Variants in RIMS2 observed in about 807,000 individuals in gnomAD.
The protein encoded by RIMS2 is regulating synaptic membrane exocytosis protein 2.
In RIMS2, 59 loss-of-function variants were observed where a neutral mutation model predicts 174.4. The ratio of observed to expected loss-of-function variants is 0.34; its 90% confidence interval spans 0.27 to 0.42. The LOEUF (loss-of-function observed/expected upper bound fraction) is 0.42, where lower values mean the gene tolerates loss of function less well. Among genes scored for constraint, RIMS2 ranks in the 10% least tolerant of loss-of-function variants. RIMS2 has a pLI of 1.00. For synonymous variants in RIMS2, 606 were observed against 572.5 expected (o/e 1.06, Z -0.84); for missense variants, 1,620 against 1,666.3 (o/e 0.97, Z 0.48).
At chr8:104,197,650 T>C (rs1222114047) in intron 19 of RIMS2, among the ~76,000 whole-genome samples, 5 of 152,116 alleles carry the variant, frequency 3.3e-5, no homozygotes, top group African/African-American at 7.2e-5. Flanking sequence ...TTAAAACTCA[T>C]TGAGGTCTGA....
intron 1 of RIMS2, among the ~76,000 whole-genome samples, chr8:103,578,752 A>C (rs1396994540): frequency 6.6e-6 from 1 of 152,134 alleles, no homozygotes; most frequent in Non-Finnish European, 1.5e-5. Context: ...CTGTAATCCC[A>C]GCACTTTGGG....
intron 4 of RIMS2, among the ~76,000 whole-genome samples, chr8:103,902,242 T>C (rs1422469177): frequency 6.6e-6 from 1 of 152,204 alleles, no homozygotes; most frequent in Non-Finnish European, 1.5e-5. Context: ...CTTTGTAACA[T>C]GTGCTTTACA....
At chr8:103,987,332 T>C (rs1022358218) in intron 16 of RIMS2, among the ~76,000 whole-genome samples, 3 of 152,142 alleles carry the variant, frequency 2.0e-5, no homozygotes, top group Admixed American at 6.5e-5. Context: ...TAAGTAAACC[T>C]TACCATGAAT....
chr8:103,925,486 A>G (rs1180387572), intron 10 of RIMS2, among the ~76,000 whole-genome samples: 1 of 151,414 alleles, frequency 6.6e-6, no homozygotes, highest in African/African-American at 2.4e-5. Context: ...TGTTATTCTG[A>G]AAGTATTGTA....
chr8:103,739,289 A>G (rs2097729062), intron 2 of RIMS2, among the ~76,000 whole-genome samples: 1 of 152,152 alleles, frequency 6.6e-6, no homozygotes, highest in Non-Finnish European at 1.5e-5. Flanking sequence ...ACAAAAACCC[A>G]AACACCGCAT....
At chr8:103,631,809 A>G (rs2095930323) in intron 1 of RIMS2, among the ~76,000 whole-genome samples, 2 of 152,298 alleles carry the variant, frequency 1.3e-5, no homozygotes, top group African/African-American at 4.8e-5. Context: ...TTCGTTGAGC[A>G]GTGTTTTGTA....
chr8:103,869,661 C>T (rs552769379), intron 3 of RIMS2, among the ~76,000 whole-genome samples: 5 of 152,180 alleles, frequency 3.3e-5, no homozygotes, highest in East Asian at 1.9e-4. Flanking sequence ...TTGGCTACAG[C>T]GAGGCAGGAC....
intron 4 of RIMS2, among the ~76,000 whole-genome samples, chr8:103,899,800 T>C (rs2099317058): frequency 6.6e-6 from 1 of 151,844 alleles, no homozygotes. Flanking sequence ...TGCCCATGCC[T>C]ATGTCCTGAA....
At chr8:103,948,931 AC>A (rs1260637883) in intron 14 of RIMS2, among the ~76,000 whole-genome samples, 1 of 150,984 alleles carries the variant, frequency 6.6e-6, no homozygotes, top group Non-Finnish European at 1.5e-5. Flanking sequence ...TTCGAGACCA[AC>A]CTGTACAACA....
chr8:103,857,901 A>G (rs1044429861), intron 3 of RIMS2, among the ~76,000 whole-genome samples: 1 of 152,162 alleles, frequency 6.6e-6, no homozygotes, highest in African/African-American at 2.4e-5. Flanking sequence ...TTCTGGACAA[A>G]GAGTATGTTG....
At chr8:103,510,034 T>TAAATGCTCCTTTAAGGCACAGGAG (rs1226277190) in intron 1 of RIMS2, among the ~76,000 whole-genome samples, 1 of 152,190 alleles carries the variant, frequency 6.6e-6, no homozygotes, top group Admixed American at 6.5e-5. Context: ...AGGAACTGGA[T>TAAATGCTCCTTTAAGGCACAGGAG]AAATGCTCCT....
intron 12 of RIMS2, among the ~76,000 whole-genome samples, chr8:103,935,238 A>G (rs1313355239): frequency 6.6e-6 from 1 of 152,216 alleles, no homozygotes. Flanking sequence ...CTTTCCATGT[A>G]TAGAGATAAA....
intron 3 of RIMS2, among the ~76,000 whole-genome samples, chr8:103,870,166 T>G (rs560364698): frequency 6.6e-6 from 1 of 151,374 alleles, no homozygotes; most frequent in South Asian, 2.1e-4. Context: ...AGTTTTAAAT[T>G]CCTTTTCTAC....
intron 2 of RIMS2, among the ~76,000 whole-genome samples, chr8:103,723,193 A>G (rs140006479): frequency 2.8e-4 from 42 of 152,308 alleles, no homozygotes; most frequent in African/African-American, 9.4e-4. Context: ...CCTTACCCTC[A>G]CTATCTGCCT....
chr8:103,648,493 C>T (rs1248702535), intron 1 of RIMS2, among the ~76,000 whole-genome samples: 1 of 151,986 alleles, frequency 6.6e-6, no homozygotes, highest in Non-Finnish European at 1.5e-5. Context: ...TCCTGAATAT[C>T]CTTGGTAGTT....
chr8:104,230,110 T>C (rs1189461217), intron 19 of RIMS2, among the ~76,000 whole-genome samples: 1 of 151,830 alleles, frequency 6.6e-6, no homozygotes, highest in Non-Finnish European at 1.5e-5. Context: ...AGAAACCCTG[T>C]CTCTACTAAA....
chr8:103,800,796 C>A (rs2098602029), intron 3 of RIMS2, among the ~76,000 whole-genome samples: 1 of 152,058 alleles, frequency 6.6e-6, no homozygotes, highest in Admixed American at 6.5e-5. Context: ...GTTTCCTTTC[C>A]TTGTAACATC....
At chr8:103,713,806 T>G (rs1216653730) in intron 2 of RIMS2, among the ~76,000 whole-genome samples, 1 of 152,244 alleles carries the variant, frequency 6.6e-6, no homozygotes, top group Non-Finnish European at 1.5e-5. Context: ...CGCTCTCTGA[T>G]TTATTCCTTG....
rs55927938 is a variant in RIMS2, at chr8:104,227,211, C to CTTT, written c.3335-17692_3335-17690dup. Among the ~76,000 whole-genome samples the CTTT allele has an allele frequency of 5.1e-4, 65 of 126,722 alleles. 1 individual carries two copies. Among genetic ancestry groups the CTTT allele is most frequent in the Middle Eastern group, 4.5e-3 (1 of 222 alleles). 83.1% of individuals were successfully genotyped at this position (126,722 alleles called of 152,430 possible). ...GAATCGTTTTTGTATACTTGGAGCT[C>CTTT]TTTTTTTTTTTTTTTGCATCCTTTT... On this transcript the variant is annotated intron_variant, in intron 19 of 23. Coordinates refer to ENST00000504942, the Ensembl canonical transcript of RIMS2.
Sources: allele counts gnomAD v4.1 joint callset (sites outside exome capture counted in the v4.1 genomes callset), GRCh38; gene constraint gnomAD v4.1.1; transcripts MANE v1.5; gene names NCBI Gene and HGNC (gene_info 2026-07-23, HGNC 2026-07-21).